Variants in DOCK10 observed in about 807,000 individuals in gnomAD.
DOCK10 encodes dedicator of cytokinesis 10, also known as dedicator of cytokinesis protein 10.
DOCK10 carries 145 observed loss-of-function variants against 280.1 expected under a neutral mutation model. The ratio of observed to expected loss-of-function variants is 0.52; its 90% CI spans 0.45 to 0.59. The LOEUF (loss-of-function observed/expected upper bound fraction) is 0.59. Among genes scored for constraint, DOCK10 ranks in the 20% least tolerant of loss-of-function variants. The probability of loss-of-function intolerance (pLI) is 0.00; values close to 1 mark genes in which losing one functional copy is unlikely to be tolerated. For missense variants in DOCK10, 2,368 were observed against 2,651.7 expected, an observed-to-expected ratio of 0.89 and a Z score of 2.35; for synonymous variants, 915 against 942.2, an observed-to-expected ratio of 0.97 and a Z score of 0.53.
At chr2:224,849,628 T>C in intron 18 of DOCK10, 29 bp from the exon 19 acceptor site, 7 of 1,459,702 alleles carry the variant, frequency 4.8e-6, no homozygotes, top group Non-Finnish European at 6.6e-6. Context: ...GTTGAACAAT[T>C]ATGAGTGTCT....
intron 1 of DOCK10, among the ~76,000 whole-genome samples, chr2:224,943,925 G>A (rs539861818): frequency 1.2e-3 from 176 of 152,012 alleles, no homozygotes; most frequent in Non-Finnish European, 1.5e-3. Context: ...CACCACGGCC[G>A]GCTAATTTTT....
intron 7 of DOCK10, among the ~76,000 whole-genome samples, chr2:224,884,412 TAG>T (rs1235048938): frequency 6.6e-6 from 1 of 152,190 alleles, no homozygotes; most frequent in African/African-American, 2.4e-5. Context: ...TGACCAGAAA[TAG>T]AGTCCTGGAC....
chr2:224,959,391 A>C (rs1471265872), intron 1 of DOCK10, among the ~76,000 whole-genome samples: 1 of 151,926 alleles, frequency 6.6e-6, no homozygotes, highest in African/African-American at 2.4e-5. Flanking sequence ...AGCCATTTCC[A>C]GGTAAACCTA....
intron 1 of DOCK10, among the ~76,000 whole-genome samples, chr2:225,038,620 CT>C (rs775312761): frequency 3.3e-5 from 5 of 152,102 alleles, no homozygotes; most frequent in Non-Finnish European, 7.4e-5. Flanking sequence ...CGGCAGGATG[CT>C]TTCTCTTTAA....
At chr2:225,006,942 T>C (rs182215) in intron 1 of DOCK10, among the ~76,000 whole-genome samples, 110,836 of 152,160 alleles carry the variant, frequency 0.73, 41,316 homozygotes, top group Middle Eastern at 0.86. Flanking sequence ...CCAACTCACC[T>C]AACTGCAGTC....
intron 1 of DOCK10, among the ~76,000 whole-genome samples, chr2:224,989,773 C>T (rs569489887): frequency 1.3e-5 from 2 of 152,246 alleles, no homozygotes; most frequent in East Asian, 3.9e-4. Context: ...TCCTAGGACC[C>T]AGTTAGTTAC....
intron 1 of DOCK10, among the ~76,000 whole-genome samples, chr2:225,027,806 G>A (rs1398427998): frequency 1.3e-5 from 2 of 152,122 alleles, no homozygotes; most frequent in East Asian, 1.9e-4. Context: ...TTTCTTTATA[G>A]CAGTGGGAGA....
At chr2:224,893,402 T>A (rs1386337248) in intron 4 of DOCK10, 1 of 174,072 alleles carries the variant, frequency 5.7e-6, no homozygotes, top group African/African-American at 2.4e-5. Context: ...CAATTTATAC[T>A]CTTATGAATT....
chr2:224,852,307 G>T, intron 18 of DOCK10, 70 bp downstream of exon 18: 1 of 1,206,116 alleles, frequency 8.3e-7, no homozygotes, highest in Non-Finnish European at 1.2e-6. Flanking sequence ...AAAAAGCCCT[G>T]CAATGGTGGA....
intron 50 of DOCK10, among the ~76,000 whole-genome samples, chr2:224,782,440 C>T (rs2125048187): frequency 6.6e-6 from 1 of 152,276 alleles, no homozygotes; most frequent in East Asian, 1.9e-4. Flanking sequence ...GGCCTAAGGA[C>T]TTCATTGATT....
intron 19 of DOCK10, 151 bp downstream of exon 19, chr2:224,849,356 T>C (rs1696574631): frequency 2.1e-6 from 1 of 478,654 alleles, no homozygotes; most frequent in Non-Finnish European, 3.7e-6. Flanking sequence ...TGCCAATTAA[T>C]ATAGTTTAGA....
intron 1 of DOCK10, among the ~76,000 whole-genome samples, chr2:225,011,648 A>C (rs1401709827): frequency 1.3e-5 from 2 of 152,236 alleles, no homozygotes; most frequent in African/African-American, 4.8e-5. Flanking sequence ...ACTTTAGCAA[A>C]GAAAATCAAC....
chr2:224,843,038 C>T (rs1422781414), intron 22 of DOCK10, among the ~76,000 whole-genome samples: 2 of 152,110 alleles, frequency 1.3e-5, no homozygotes, highest in East Asian at 3.9e-4. Flanking sequence ...TATCCACCCC[C>T]TGCAATATGG....
rs141921703 is a variant in DOCK10, at chr2:224,813,585, C to T, written c.3409+735G>A. Among the ~76,000 whole-genome samples the T allele has an allele frequency of 2.1e-4, 32 of 152,318 alleles. No homozygotes were observed. In the East Asian group the frequency reaches 5.4e-3, roughly 26 times the overall value. ...TGCTGTCTGCTAGCACTAGGCTAAG[C>T]ACTTTATGTGCATTATCCCATTTGA... On this transcript the variant is annotated intron_variant, in intron 31 of 55. Coordinates refer to ENST00000258390, the MANE Select transcript of DOCK10 (RefSeq NM_014689.3).
chr2:224,823,539 T>C lies in DOCK10; in HGVS notation c.3145A>G (p.Thr1049Ala). ...GCAACGCTGTGGTTTGCCCTTCTTG[T>C]TTCTTCAAGTGCATCCTTGTATTTC... ...IWKYKDALEE[T>A]RRANHSVARF... The change falls in exon 28 of 56, where the codon ACA becomes GCA. Residue 1049 changes from threonine (T) to alanine (A), a missense_variant. Thr to Ala is a moderately conservative substitution (Grantham distance 58, BLOSUM62 0). Around this residue, in one of 2 missense-constraint regions of DOCK10, gnomAD observed 1,159 missense variants for 1,400.8 expected, o/e 0.83. Transcript: ENST00000258390. 1 of 1,608,852 alleles carries C rather than the reference T, an allele frequency of 6.2e-7. No individual in the cohort carries two copies. The highest frequency in any genetic ancestry group is 8.5e-7 in the Non-Finnish European group (1 of 1,178,496).
At chr2:225,000,444 C>T (rs1706402036) in intron 1 of DOCK10, among the ~76,000 whole-genome samples, 1 of 152,168 alleles carries the variant, frequency 6.6e-6, no homozygotes, top group Non-Finnish European at 1.5e-5. Flanking sequence ...AAGTTGAGTT[C>T]TCTAGCAAAG....
chr2:224,971,647 T>C (rs1459830999), intron 1 of DOCK10, among the ~76,000 whole-genome samples: 7 of 152,222 alleles, frequency 4.6e-5, no homozygotes, highest in African/African-American at 1.7e-4. Flanking sequence ...TTAATTTTAT[T>C]TAACTTTGAT....
chr2:224,793,160 C>T lies in DOCK10; in HGVS notation c.5213-88G>A. 5 of 1,044,910 alleles carry T rather than the reference C, an allele frequency of 4.8e-6. No individual in the cohort carries two copies. The South Asian group carries it at 5.9e-5, about 12-fold the overall frequency. The allele number at this position is 1,044,910 out of a possible 1,614,324, so 64.7% of individuals were successfully genotyped here. A position where few individuals can be genotyped will look rare whatever the true frequency, so the allele number is the denominator to read the frequency against. ...GACTACAAATCGTTAGCCAATGATG[C>T]ATTCTCGTTTTGAACTAAGAAGTTG... On this transcript the variant is annotated intron_variant, in intron 46 of 55. Coordinates refer to ENST00000258390, the MANE Select transcript of DOCK10 (RefSeq NM_014689.3).
chr2:224,783,989 A>T (rs1464512319), intron 50 of DOCK10, among the ~76,000 whole-genome samples: 1 of 152,168 alleles, frequency 6.6e-6, no homozygotes, highest in African/African-American at 2.4e-5. Context: ...GTACATAAAA[A>T]AGTGGTTGAA....
Sources: gnomAD v4.1 joint callset for allele counts (sites outside exome capture counted in the v4.1 genomes callset) on GRCh38, gnomAD v4.1.1 for gene constraint, gnomAD v4.1.1 regional missense constraint, MANE v1.5 for transcripts, NCBI Gene and HGNC (gene_info 2026-07-23, HGNC 2026-07-21) for gene names.